The following SEMA3C variants were observed in gnomAD, a reference collection of about 807,000 sequenced individuals.
SEMA3C encodes the protein semaphorin-3C.
SEMA3C carries 47 observed loss-of-function variants against 89.4 expected under a neutral mutation model. The observed-to-expected ratio is 0.53, with a 90% CI of 0.42 to 0.67. SEMA3C has a LOEUF of 0.67. Ranked by LOEUF, SEMA3C falls within the 30% of genes least tolerant of loss-of-function variation. SEMA3C has a pLI of 0.00. For synonymous variants in SEMA3C, 310 were observed against 320.2 expected (o/e 0.97, Z 0.34); for missense variants, 839 against 929.1 (o/e 0.90, Z 1.26).
At chr7:80,873,881 C>T (rs534837920) in intron 2 of SEMA3C, among the ~76,000 whole-genome samples, 35 of 152,286 alleles carry the variant, frequency 2.3e-4, no homozygotes, top group Non-Finnish European at 4.0e-4. Flanking sequence ...GTTCACTGTG[C>T]TCTGGCCTCT....
intron 2 of SEMA3C, among the ~76,000 whole-genome samples, chr7:80,858,236 T>A (rs1790687536): frequency 6.6e-6 from 1 of 152,068 alleles, no homozygotes; most frequent in Non-Finnish European, 1.5e-5. Context: ...TAGATCACAG[T>A]TTCTTTGGGT....
At chr7:80,914,981 T>C (rs920583168) in intron 2 of SEMA3C, among the ~76,000 whole-genome samples, 2 of 152,202 alleles carry the variant, frequency 1.3e-5, no homozygotes, top group Non-Finnish European at 1.5e-5. Context: ...TCATTATCTC[T>C]AGTAACACAC....
At chr7:80,893,799 T>A (rs1270040654) in intron 2 of SEMA3C, among the ~76,000 whole-genome samples, 1 of 152,148 alleles carries the variant, frequency 6.6e-6, no homozygotes, top group Non-Finnish European at 1.5e-5. Context: ...TTCCAAGGTA[T>A]ATACATAATT....
chr7:80,829,766 C>T (rs1411516460), intron 2 of SEMA3C, among the ~76,000 whole-genome samples: 2 of 152,116 alleles, frequency 1.3e-5, no homozygotes, highest in Non-Finnish European at 2.9e-5. Flanking sequence ...ATTCATGATA[C>T]ATTCTCTGGT....
chr7:80,919,166 C>T (rs555687788), upstream of SEMA3C: 64 of 984,744 alleles, frequency 6.5e-5, no homozygotes, highest in South Asian at 2.7e-3. Flanking sequence ...ATCACCACCG[C>T]GCAGCCCCGG....
At chr7:80,882,740 T>C (rs919517785) in intron 2 of SEMA3C, among the ~76,000 whole-genome samples, 4 of 152,080 alleles carry the variant, frequency 2.6e-5, no homozygotes, top group African/African-American at 4.8e-5. Flanking sequence ...TTGGATATAT[T>C]CTTTTTCTTT....
At chr7:80,751,985 C>T (rs1275470909) in intron 15 of SEMA3C, among the ~76,000 whole-genome samples, 7 of 152,130 alleles carry the variant, frequency 4.6e-5, no homozygotes, top group Non-Finnish European at 7.3e-5. Flanking sequence ...TATTTTGCCA[C>T]ATTAATTTCT....
chr7:80,767,976 T>C (rs1788341237), intron 12 of SEMA3C, among the ~76,000 whole-genome samples: 1 of 152,188 alleles, frequency 6.6e-6, no homozygotes, highest in Admixed American at 6.5e-5. Flanking sequence ...AAAAATCCAC[T>C]AAATTAAAAA....
At chr7:80,866,806 TA>T (rs1790936878) in intron 2 of SEMA3C, among the ~76,000 whole-genome samples, 2 of 152,224 alleles carry the variant, frequency 1.3e-5, no homozygotes, top group Admixed American at 1.3e-4. Context: ...CATTTTGCCA[TA>T]AGATTTTTCT....
At chr7:80,892,020 A>G (rs902764883) in intron 2 of SEMA3C, among the ~76,000 whole-genome samples, 1 of 152,150 alleles carries the variant, frequency 6.6e-6, no homozygotes, top group Non-Finnish European at 1.5e-5. Flanking sequence ...AATCTGAAAC[A>G]GTAGAAATAG....
rs397784985 is a variant in SEMA3C, at chr7:80,744,139, T to TTAAAC, written c.*754_*755insGTTTA. ...TTATATTCTTTGAGTCTAAAATAAATAACTTCCAAAAAAAGTAAGTGCTTT... is the reference window on the plus strand; with the variant it reads ...TTATATTCTTTGAGTCTAAAATAAATTAAACAACTTCCAAAAAAAGTAAGTGCTTT... On this transcript the variant is annotated 3_prime_UTR_variant, in exon 18 of 18. Coordinates refer to ENST00000265361, the MANE Select transcript of SEMA3C (RefSeq NM_006379.5). The TTAAAC allele has an allele frequency of 6.6e-6, 1 of 151,746 alleles. No individual in the cohort carries two copies. The highest frequency in any genetic ancestry group is 1.5e-5 in the Non-Finnish European group (1 of 67,910). The allele number at this position is 151,746 out of a possible 1,614,324, so 9.4% of individuals were successfully genotyped here.
At chr7:80,859,218 G>A (rs910401409) in intron 2 of SEMA3C, among the ~76,000 whole-genome samples, 1 of 152,014 alleles carries the variant, frequency 6.6e-6, no homozygotes, top group Non-Finnish European at 1.5e-5. Flanking sequence ...ATAGAGATGA[G>A]CCACTGTAAT....
chr7:80,905,895 A>C, intron 2 of SEMA3C: 1 of 1,289,604 alleles, frequency 7.8e-7, no homozygotes, highest in Non-Finnish European at 1.0e-6. Context: ...GATGTAGCAC[A>C]CAGCATTGTA....
intron 12 of SEMA3C, among the ~76,000 whole-genome samples, chr7:80,774,314 A>G (rs1000877534): frequency 6.6e-6 from 1 of 152,246 alleles, no homozygotes; most frequent in Non-Finnish European, 1.5e-5. Flanking sequence ...TTCATTATGT[A>G]TAAAAAAGAG....
At chr7:80,754,423 A>G (rs1239586573) in intron 15 of SEMA3C, among the ~76,000 whole-genome samples, 1 of 152,176 alleles carries the variant, frequency 6.6e-6, no homozygotes, top group Admixed American at 6.5e-5. Flanking sequence ...TGTTTTGCTT[A>G]GAGAGTGGCA....
chr7:80,781,822 G>C (rs1375746359), intron 12 of SEMA3C, among the ~76,000 whole-genome samples: 1 of 152,214 alleles, frequency 6.6e-6, no homozygotes, highest in African/African-American at 2.4e-5. Flanking sequence ...TCAGGGATGT[G>C]GTCTGACTGT....
At chr7:80,795,358 C>T (rs1045675045) in intron 11 of SEMA3C, among the ~76,000 whole-genome samples, 3 of 152,158 alleles carry the variant, frequency 2.0e-5, no homozygotes, top group Non-Finnish European at 4.4e-5. Flanking sequence ...CTCTTTTATT[C>T]TCTAAGGATC....
intron 13 of SEMA3C, among the ~76,000 whole-genome samples, chr7:80,764,005 T>C (rs1319118729): frequency 1.3e-5 from 2 of 152,214 alleles, no homozygotes; most frequent in East Asian, 1.9e-4. Context: ...AGTAGGAAAC[T>C]TGCCAGAGTT....
At chr7:80,755,808 T>C (rs1430183677) in intron 15 of SEMA3C, among the ~76,000 whole-genome samples, 2 of 152,118 alleles carry the variant, frequency 1.3e-5, no homozygotes, top group Admixed American at 6.5e-5. Flanking sequence ...TATGTGAGAT[T>C]ACATTTGAAA....
Sources: allele counts gnomAD v4.1 joint callset (sites outside exome capture counted in the v4.1 genomes callset), GRCh38; gene constraint gnomAD v4.1.1; transcripts MANE v1.5; gene names NCBI Gene and HGNC (gene_info 2026-07-23, HGNC 2026-07-21).